Variants in SH3GLB2 observed in about 807,000 individuals in gnomAD.
SH3GLB2 encodes endophilin-B2.
SH3GLB2 carries 24 observed loss-of-function variants against 48.0 expected under a neutral mutation model. The ratio of observed to expected loss-of-function variants is 0.50; its 90% CI spans 0.36 to 0.70. SH3GLB2 has a LOEUF of 0.70. Among genes scored for constraint, SH3GLB2 ranks in the 30% least tolerant of loss-of-function variants. The pLI is 0.00. For missense variants in SH3GLB2, 425 were observed against 516.0 expected, an observed-to-expected ratio of 0.82 and a Z score of 1.71; for synonymous variants, 227 against 207.6, an observed-to-expected ratio of 1.09 and a Z score of -0.80.
At chr9:129,009,696 A>G in intron 9 of SH3GLB2, 75 bp downstream of exon 9, 1 of 1,456,180 alleles carries the variant, frequency 6.9e-7, no homozygotes, top group East Asian at 2.4e-5. Context: ...ACTTGCCCAG[A>G]GGAGCTCATG....
chr9:129,024,862 C>A (rs1313911317), intron 1 of SH3GLB2, among the ~76,000 whole-genome samples: 1 of 150,454 alleles, frequency 6.6e-6, no homozygotes, highest in Non-Finnish European at 1.5e-5. Context: ...CCCAGCTACT[C>A]GGGAGGCTGA....
In SH3GLB2 at chr9:129,021,080, G is replaced by A; in HGVS notation, c.334+11C>T. 6.3e-7 allele frequency: 1 copy of A among 1,587,774 alleles called. No individual in the cohort carries two copies. The highest frequency in any genetic ancestry group is 2.3e-5 in the East Asian group (1 of 43,754). ...CATGACCCCTAGTCCCTGGCTGTGA[G>A]GCCTGCTCACCATAGGGGGTGGTCG... is the stretch of plus-strand genomic sequence containing the variant. On this transcript the variant is annotated intron_variant, in intron 3 of 10. Coordinates refer to ENST00000372564, the MANE Select transcript of SH3GLB2 (RefSeq NM_020145.4).
chr9:129,018,298 C>T (rs2131272844), intron 3 of SH3GLB2, among the ~76,000 whole-genome samples: 2 of 152,354 alleles, frequency 1.3e-5, no homozygotes, highest in South Asian at 4.1e-4. Context: ...ATTAAATTGG[C>T]TGGGCGCAGT....
At chr9:129,010,791 C>A (rs1843073492) in intron 6 of SH3GLB2, 98 bp from the exon 7 acceptor site, 1 of 1,416,054 alleles carries the variant, frequency 7.1e-7, no homozygotes, top group African/African-American at 1.4e-5. Flanking sequence ...GACTCAACTT[C>A]TGCCCCCCTG....
intron 1 of SH3GLB2, among the ~76,000 whole-genome samples, chr9:129,027,510 C>G (rs1485201156): frequency 6.6e-6 from 1 of 152,192 alleles, no homozygotes; most frequent in Non-Finnish European, 1.5e-5. Flanking sequence ...AGCTTCCCAG[C>G]CAGACCCCAG....
At chr9:129,020,639 G>A (rs1345006756) in intron 3 of SH3GLB2, among the ~76,000 whole-genome samples, 4 of 151,762 alleles carry the variant, frequency 2.6e-5, no homozygotes, top group Non-Finnish European at 2.9e-5. Context: ...AGGCATAGGC[G>A]GGCAGATCAC....
At position 129,008,773 on chromosome 9, in the gene SH3GLB2, G is replaced by A. The variant is rs752268706; in HGVS notation, c.1099C>T (p.Leu367=). 2 of 1,614,088 alleles carry A rather than the reference G, an allele frequency of 1.2e-6. No homozygotes were observed. Among genetic ancestry groups the A allele is most frequent in the Admixed American group, 3.3e-5 (2 of 60,020 alleles). The change falls in exon 11 of 11, where the codon CTG becomes TTG. Residue 367 remains leucine, a synonymous_variant. Coordinates refer to ENST00000372564, the MANE Select transcript of SH3GLB2 (RefSeq NM_020145.4). Reference sequence around the variant, plus strand: ...AGCCAGTCAGGGTCCATGCCAGGCAGGCTGTAGACAGTGATGAGCTGCAGA... The same window carrying A: ...AGCCAGTCAGGGTCCATGCCAGGCAAGCTGTAGACAGTGATGAGCTGCAGA... ...LADELITVYS[L]PGMDPDWLIG... is the part of the protein sequence containing the mutation.
At chr9:129,012,347 G>C in intron 5 of SH3GLB2, 49 bp from the exon 6 acceptor site, 1 of 1,204,262 alleles carries the variant, frequency 8.3e-7, no homozygotes, top group Non-Finnish European at 1.1e-6. Context: ...CTGGGCCAGG[G>C]CCAGGGTCGA....
intron 1 of SH3GLB2, among the ~76,000 whole-genome samples, chr9:129,026,352 C>T (rs143372576): frequency 2.0e-5 from 3 of 152,294 alleles, no homozygotes; most frequent in Non-Finnish European, 4.4e-5. Flanking sequence ...TGGTCTCAGG[C>T]GGAGCCCCTC....
At chr9:129,008,891 G>T in intron 10 of SH3GLB2, 100 bp from the exon 11 acceptor site, 2 of 1,311,016 alleles carry the variant, frequency 1.5e-6, no homozygotes, top group Admixed American at 1.9e-5. Context: ...ATGGCCCGTG[G>T]CATGTGCTAC....
intron 10 of SH3GLB2, 107 bp downstream of exon 10, chr9:129,008,999 C>A: frequency 6.5e-7 from 1 of 1,539,652 alleles, no homozygotes; most frequent in Non-Finnish European, 8.8e-7. Context: ...ACCTGCTGGT[C>A]CCCACTTTGC....
At chr9:129,016,903 G>T (rs931032683) in intron 3 of SH3GLB2, among the ~76,000 whole-genome samples, 2 of 147,012 alleles carry the variant, frequency 1.4e-5, no homozygotes, top group African/African-American at 5.0e-5. Context: ...GACAAAGAGA[G>T]AAATAAGATA....
In SH3GLB2 at chr9:129,008,680, C is replaced by T; in HGVS notation, c.*4G>A. 6.2e-7 allele frequency: 1 copy of T among 1,613,030 alleles called. No homozygotes were observed. The highest frequency in any genetic ancestry group is 8.5e-7 in the Non-Finnish European group (1 of 1,179,036). ...CAGAATGCGGGGGGGATGGGGGCAC[C>T]TGCCTAGCTGAGCAGTTCCAAGTAG... On this transcript the variant is annotated 3_prime_UTR_variant, in exon 11 of 11. Coordinates refer to ENST00000372564, the MANE Select transcript of SH3GLB2 (RefSeq NM_020145.4).
intron 9 of SH3GLB2, 182 bp downstream of exon 9, chr9:129,009,589 C>A: frequency 6.6e-7 from 1 of 1,517,364 alleles, no homozygotes; most frequent in Non-Finnish European, 8.9e-7. Flanking sequence ...GGGACTTGGC[C>A]GTCAGTAAGG....
rs1040624316 is a variant in SH3GLB2 at position 129,014,159 on chromosome 9, G to A, written c.561+252C>T. The A allele has an allele frequency of 3.2e-6, 2 of 626,016 alleles. No homozygotes were observed. The highest frequency in any genetic ancestry group is 3.4e-5 in the South Asian group (2 of 58,746). 38.8% of individuals were successfully genotyped at this position (626,016 alleles called of 1,614,324 possible). A position where few individuals can be genotyped will look rare whatever the true frequency, so the allele number is the denominator to read the frequency against. ...GGAGACTCCAGCTGCCTGGCGGGGT[G>A]GTGCACCCAGCTGGGGGCACTGCTG... is the stretch of plus-strand genomic sequence containing the variant. On this transcript the variant is annotated intron_variant, in intron 5 of 10. Transcript: ENST00000372564. The surrounding 1 kb of genome is among the most constrained non-coding windows in gnomAD (Gnocchi z 4.1).
chr9:129,012,280 C>T lies in SH3GLB2; in HGVS notation c.580G>A (p.Glu194Lys). ...AKATTVPDFQ[E>K]TRPRNYILSA... is the part of the protein sequence containing the mutation. ...AGAATGTAATTACGAGGTCTAGTCT[C>T]CTGAAAGTCAGGCACCGTCTGGCGG... Residue 194 changes from glutamate to lysine, a missense_variant, in exon 6 of 11, where the codon GAG (glutamate) becomes AAG (lysine). Transcript: ENST00000372564. 1 of 1,305,244 alleles carries T rather than the reference C, an allele frequency of 7.7e-7. No homozygotes were observed. 80.9% of individuals were successfully genotyped at this position (1,305,244 alleles called of 1,614,324 possible). A position where few individuals can be genotyped will look rare whatever the true frequency, so the allele number is the denominator to read the frequency against.
chr9:129,023,159 T>C (rs994909719), intron 1 of SH3GLB2, among the ~76,000 whole-genome samples: 58 of 151,918 alleles, frequency 3.8e-4, no homozygotes, highest in Admixed American at 1.8e-3. Flanking sequence ...TGCAGAGACG[T>C]CTGGGAAGGA....
At chr9:129,021,836 G>T (rs1011946464) in intron 2 of SH3GLB2, among the ~76,000 whole-genome samples, 1 of 151,842 alleles carries the variant, frequency 6.6e-6, no homozygotes, top group Non-Finnish European at 1.5e-5. Flanking sequence ...GCATGTGCCT[G>T]TAGTCCCAGC....
chr9:129,022,878 G>C (rs996119857), intron 1 of SH3GLB2, among the ~76,000 whole-genome samples: 1 of 152,200 alleles, frequency 6.6e-6, no homozygotes, highest in African/African-American at 2.4e-5. Context: ...CTGCTAGGGA[G>C]AGGGTGCCAG....
Sources: gnomAD v4.1 joint callset for allele counts (sites outside exome capture counted in the v4.1 genomes callset) on GRCh38, gnomAD v4.1.1 for gene constraint, Gnocchi (gnomAD v3.1) non-coding constraint, MANE v1.5 for transcripts, NCBI Gene and HGNC (gene_info 2026-07-23, HGNC 2026-07-21) for gene names.